The following CHD1L variants were observed in gnomAD, a reference collection of about 807,000 sequenced individuals.
CHD1L encodes the protein ATP-dependent chromatin remodeler CHD1L.
Under a neutral mutation model 115.9 loss-of-function variants are expected in CHD1L, and 118 were observed. That is an observed-to-expected ratio of 1.02 (90% CI 0.88 to 1.19). The LOEUF (loss-of-function observed/expected upper bound fraction) is 1.19. CHD1L is among the 50% of genes most tolerant of loss of function. The pLI, the probability that CHD1L is intolerant of heterozygous loss-of-function variation, is 0.00. For synonymous variants in CHD1L, 411 were observed against 387.1 expected (o/e 1.06, Z -0.72); for missense variants, 1,179 against 1,065.3 (o/e 1.11, Z -1.49).
chr1:147,236,311 C>T, the CHD1L span, among the ~76,000 whole-genome samples: 3 of 152,194 alleles, frequency 2.0e-5, no homozygotes, highest in African/African-American at 7.2e-5. Context: ...CTCTCCTTCT[C>T]TCTTCTCTCC....
Position 147,294,508 on chromosome 1 carries a change from C to G in CHD1L, c.2606C>G (p.Pro869Arg), listed in dbSNP as rs782630838. The change falls in exon 22 of 23, where the codon CCA (proline) becomes CGA (arginine). Residue 869 changes from proline (P) to arginine (R), a missense_variant. Pro to Arg is a moderately radical substitution (Grantham distance 103). Coordinates refer to ENST00000369258, the MANE Select transcript of CHD1L (RefSeq NM_004284.6). ...IRKHLAARGI[P>R]TYIYYFPRSK... is the part of the protein sequence containing the mutation. ...AAACATCTGGCTGCAAGAGGCATCC[C>G]AACTTACATGTATCCTTTTGTGATC... is the stretch of plus-strand genomic sequence containing the variant. The G allele has an allele frequency of 1.2e-5, 19 of 1,610,602 alleles. No homozygotes were observed. The highest frequency in any genetic ancestry group is 8.5e-6 in the Non-Finnish European group (10 of 1,178,202).
chr1:147,214,716 C>T, the CHD1L span: 23 of 152,110 alleles, frequency 1.5e-4, no homozygotes, highest in African/African-American at 5.1e-4. Context: ...CGAGCTGCAA[C>T]GTATAGATCT....
chr1:147,286,222 A>G, intron 17 of CHD1L, 76 bp from the exon 18 acceptor site: 1 of 1,361,238 alleles, frequency 7.3e-7, no homozygotes, highest in East Asian at 2.3e-5. Flanking sequence ...TTGTTTGTGA[A>G]CAGCAGTATA....
chr1:147,266,238 G>A, intron 8 of CHD1L, 151 bp downstream of exon 8: 1 of 691,474 alleles, frequency 1.4e-6, no homozygotes, highest in Non-Finnish European at 2.2e-6. Flanking sequence ...CAGTGGGACT[G>A]TGGCAGAGCA....
chr1:147,256,750 GGTTA>G (rs782203133), intron 5 of CHD1L, among the ~76,000 whole-genome samples, 188 bp downstream of exon 5: 83 of 152,096 alleles, frequency 5.5e-4, no homozygotes, highest in Admixed American at 1.8e-3. Flanking sequence ...TGTGTCCTTG[GGTTA>G]GTTATTTAAT....
chr1:147,207,932 A>G, the CHD1L span, among the ~76,000 whole-genome samples: 3 of 152,200 alleles, frequency 2.0e-5, no homozygotes, highest in African/African-American at 7.2e-5. Flanking sequence ...GCTTCTGTTC[A>G]TAAGTCCCTA....
intron 15 of CHD1L, among the ~76,000 whole-genome samples, chr1:147,282,640 G>A (rs1018880545): frequency 1.3e-5 from 2 of 152,196 alleles, no homozygotes; most frequent in African/African-American, 2.4e-5. Flanking sequence ...AGTGAGAGAA[G>A]AAATAGATGC....
chr1:147,263,063 ATATG>A (rs1282194683), intron 6 of CHD1L, among the ~76,000 whole-genome samples: 19 of 152,160 alleles, frequency 1.2e-4, no homozygotes, highest in Admixed American at 2.0e-4. Flanking sequence ...GTGTATATAC[ATATG>A]TATGTATGTG....
intron 14 of CHD1L, among the ~76,000 whole-genome samples, chr1:147,279,432 T>C (rs1572043833): frequency 1.3e-5 from 2 of 152,240 alleles, no homozygotes; most frequent in Middle Eastern, 6.8e-3. Flanking sequence ...AGCAGGATAG[T>C]GCAATGCCAG....
chr1:147,228,160 G>GC, the CHD1L span, among the ~76,000 whole-genome samples: 4 of 140,182 alleles, frequency 2.9e-5, no homozygotes, highest in Non-Finnish European at 4.7e-5. Context: ...CCCTTCCCCA[G>GC]CCCCCCACCC....
the CHD1L span, chr1:147,212,645 T>C: frequency 3.9e-6 from 4 of 1,027,340 alleles, no homozygotes; most frequent in Non-Finnish European, 5.7e-6. Flanking sequence ...ATTCTCCAAG[T>C]GTTCTCTTTA....
Position 147,285,298 on chromosome 1 carries a change from G to C in CHD1L, c.1855-26G>C, listed in dbSNP as rs201681383. On this transcript the variant is annotated intron_variant, in intron 16 of 22. Coordinates refer to ENST00000369258, the MANE Select transcript of CHD1L (RefSeq NM_004284.6). ...TTCGGGGAGGAATCTTCTTGACCCT[G>C]GTGATGGATCTTGTTCTTCCTCTAG... The C allele has an allele frequency of 5.9e-4, 947 of 1,600,876 alleles. 8 individuals carry two copies. The Middle Eastern group carries it at 6.6e-3, about 11-fold the overall frequency.
the CHD1L span, among the ~76,000 whole-genome samples, chr1:147,222,671 G>A: frequency 2.6e-4 from 39 of 152,298 alleles, no homozygotes; most frequent in South Asian, 4.1e-4. Flanking sequence ...AAGTCAGAGC[G>A]TTATGATGAA....
Position 147,286,440 on chromosome 1 carries a change from A to ATTCTCT in CHD1L, c.2161_2162insTTCTCT (p.Ser721delinsIleLeuCys). ...AGATGCTACTTCCCTCAAGTACGTT[A>ATTCTCT]GTGGTGATGTCACCCACCCTCAGGC... On this transcript the variant is annotated protein_altering_variant, in exon 18 of 23. Transcript: ENST00000369258. The ATTCTCT allele has an allele frequency of 1.2e-6, 2 of 1,614,144 alleles. No homozygotes were observed. Among genetic ancestry groups the ATTCTCT allele is most frequent in the East Asian group, 4.5e-5 (2 of 44,858 alleles).
chr1:147,178,293 C>T, the CHD1L span: 2 of 1,613,034 alleles, frequency 1.2e-6, no homozygotes, highest in South Asian at 1.1e-5. Context: ...GTGGACACTG[C>T]AAGAGACTTG....
At chr1:147,255,356 TA>T (rs1475499873) in intron 3 of CHD1L, among the ~76,000 whole-genome samples, 1 of 152,156 alleles carries the variant, frequency 6.6e-6, no homozygotes, top group Non-Finnish European at 1.5e-5. Context: ...GCCTCCCAAG[TA>T]GCTGAGATTA....
chr1:147,265,278 G>A (rs1445046337), intron 7 of CHD1L, among the ~76,000 whole-genome samples: 3 of 152,074 alleles, frequency 2.0e-5, no homozygotes, highest in Admixed American at 2.0e-4. Context: ...CCCATGTTTT[G>A]GGTTACCTGA....
At chr1:147,239,425 C>T (rs782812557), upstream of CHD1L, among the ~76,000 whole-genome samples, 1 of 152,196 alleles carries the variant, frequency 6.6e-6, no homozygotes, top group Non-Finnish European at 1.5e-5. Context: ...CTGAACCCAA[C>T]CTTTGCTTCT....
chr1:147,213,249 C>T, the CHD1L span: 5 of 1,385,880 alleles, frequency 3.6e-6, no homozygotes, highest in East Asian at 7.4e-5. Flanking sequence ...TCCTCCCATT[C>T]CTCAGGGGTC....
Sources: gnomAD v4.1 joint callset for allele counts (sites outside exome capture counted in the v4.1 genomes callset) on GRCh38, gnomAD v4.1.1 for gene constraint, MANE v1.5 for transcripts, NCBI Gene and HGNC (gene_info 2026-07-23, HGNC 2026-07-21) for gene names.